Variants in ROR2 observed in about 807,000 individuals in gnomAD.
The protein encoded by ROR2 is ROR family WNT receptor 2, also known as tyrosine-protein kinase transmembrane receptor ROR2.
ROR2 carries 33 observed loss-of-function variants against 74.9 expected under a neutral mutation model. That is an observed-to-expected ratio of 0.44 (90% CI 0.33 to 0.59). The LOEUF is 0.59. ROR2 is among the 20% of genes least tolerant of loss of function. ROR2 has a pLI of 0.02. For synonymous variants in ROR2, 586 were observed against 558.7 expected (o/e 1.05, Z -0.69); for missense variants, 1,216 against 1,313.8 (o/e 0.93, Z 1.15).
At chr9:91,940,110 C>T (rs1187818058) in intron 1 of ROR2, among the ~76,000 whole-genome samples, 1 of 152,206 alleles carries the variant, frequency 6.6e-6, no homozygotes, top group Non-Finnish European at 1.5e-5. Context: ...ACGGGAACCC[C>T]AGAGCACAGC....
intron 7 of ROR2, among the ~76,000 whole-genome samples, chr9:91,729,912 G>A (rs1182702461): frequency 2.6e-5 from 4 of 152,218 alleles, no homozygotes; most frequent in East Asian, 1.9e-4. Context: ...GGGTGGAAGG[G>A]AAATATTTTT....
intron 7 of ROR2, among the ~76,000 whole-genome samples, chr9:91,728,051 G>A (rs1837104369): frequency 1.3e-5 from 2 of 152,130 alleles, no homozygotes; most frequent in African/African-American, 2.4e-5. Flanking sequence ...CTAGGGTTTG[G>A]TTCATTTTTC....
At chr9:91,876,695 A>G (rs1829964344) in intron 1 of ROR2, among the ~76,000 whole-genome samples, 1 of 152,246 alleles carries the variant, frequency 6.6e-6, no homozygotes, top group South Asian at 2.1e-4. Context: ...CCTTCTTAAA[A>G]TATCATCAGA....
At chr9:91,889,172 T>G (rs1312619072) in intron 1 of ROR2, among the ~76,000 whole-genome samples, 1 of 151,912 alleles carries the variant, frequency 6.6e-6, no homozygotes, top group Admixed American at 6.6e-5. Context: ...TTCCTGAGAG[T>G]GGGAACACCT....
intron 2 of ROR2, among the ~76,000 whole-genome samples, chr9:91,770,123 T>C (rs7029646): frequency 5.7e-4 from 87 of 152,336 alleles, no homozygotes; most frequent in African/African-American, 2.0e-3. Flanking sequence ...GCAGGGAAAT[T>C]ATTAAGGAAT....
chr9:91,935,326 C>G (rs1275193719), intron 1 of ROR2, among the ~76,000 whole-genome samples: 1 of 152,246 alleles, frequency 6.6e-6, no homozygotes, highest in Non-Finnish European at 1.5e-5. Context: ...ACGCAGCTCA[C>G]CTCTTTTTCT....
At chr9:91,933,429 T>C (rs765615584) in intron 1 of ROR2, among the ~76,000 whole-genome samples, 8 of 152,076 alleles carry the variant, frequency 5.3e-5, no homozygotes, top group Non-Finnish European at 1.2e-4. Flanking sequence ...TTTCAAGTAA[T>C]AGCTAAAAAT....
intron 7 of ROR2, among the ~76,000 whole-genome samples, chr9:91,728,757 C>T (rs915065736): frequency 1.1e-4 from 16 of 152,314 alleles, no homozygotes; most frequent in Middle Eastern, 3.4e-3. Flanking sequence ...TAAATAGAAT[C>T]GTGTCATCCA....
At chr9:91,806,701 T>C (rs1442679109) in intron 1 of ROR2, among the ~76,000 whole-genome samples, 9 of 152,214 alleles carry the variant, frequency 5.9e-5, no homozygotes, top group Admixed American at 3.3e-4. Context: ...GCCATTCTCC[T>C]GCCTCAGCCT....
At position 91,849,234 on chromosome 9, in the gene ROR2, G is replaced by A. The variant is rs543346626; in HGVS notation, c.98-73416C>T. ...AAGCTCTTCTTTACCTCCCAACTAC[G>A]GTCAGATGAGATTCCCAGGCTTTTC... is the stretch of plus-strand genomic sequence containing the variant. On this transcript the variant is annotated intron_variant, in intron 1 of 8. Transcript: ENST00000375708. Among the ~76,000 whole-genome samples the A allele has an allele frequency of 4.6e-5, 7 of 152,240 alleles. No individual in the cohort carries two copies. The South Asian group carries it at 6.2e-4, about 14-fold the overall frequency.
At chr9:91,845,102 C>T (rs753919150) in intron 1 of ROR2, among the ~76,000 whole-genome samples, 1 of 152,154 alleles carries the variant, frequency 6.6e-6, no homozygotes, top group Non-Finnish European at 1.5e-5. Context: ...CCCCACCCTA[C>T]GCCCAAGGTG....
At chr9:91,727,401 A>AT (rs11436642) in intron 7 of ROR2, among the ~76,000 whole-genome samples, 35,405 of 145,774 alleles carry the variant, frequency 0.24, 4,294 homozygotes, top group South Asian at 0.45. Context: ...CCTTCCCTGC[A>AT]TTTTTTTTTT....
At chr9:91,890,165 A>G (rs1338737413) in intron 1 of ROR2, among the ~76,000 whole-genome samples, 1 of 152,188 alleles carries the variant, frequency 6.6e-6, no homozygotes, top group Non-Finnish European at 1.5e-5. Flanking sequence ...GAAAGTCAGA[A>G]GAGAAAATCC....
Position 91,905,004 on chromosome 9 carries a change from C to T in ROR2, c.97+44863G>A, listed in dbSNP as rs1830777336. ...AACATACAATACACACAACACATAC[C>T]ACACAACATATACCACACACAAAAA... On this transcript the variant is annotated intron_variant, in intron 1 of 8. Coordinates refer to ENST00000375708, the MANE Select transcript of ROR2 (RefSeq NM_004560.4). This position sits in a 1 kb window ranked among gnomAD's most constrained non-coding sequence, Gnocchi z 5.3. Among the ~76,000 whole-genome samples, 1 of 151,654 alleles carries T rather than the reference C, an allele frequency of 6.6e-6. No homozygotes were observed.
At chr9:91,869,719 A>G (rs1182513046) in intron 1 of ROR2, among the ~76,000 whole-genome samples, 1 of 152,224 alleles carries the variant, frequency 6.6e-6, no homozygotes, top group Non-Finnish European at 1.5e-5. Context: ...CAATTGCTCC[A>G]TATCCCGATT....
intron 1 of ROR2, among the ~76,000 whole-genome samples, chr9:91,874,112 C>T (rs1055426277): frequency 2.6e-5 from 4 of 152,276 alleles, no homozygotes; most frequent in Admixed American, 1.3e-4. Flanking sequence ...AGGGGGCTGA[C>T]GAAGCCTCCC....
At chr9:91,787,271 G>A (rs1375787492) in intron 1 of ROR2, among the ~76,000 whole-genome samples, 2 of 152,192 alleles carry the variant, frequency 1.3e-5, no homozygotes, top group Non-Finnish European at 2.9e-5. Flanking sequence ...AGCACTTTGG[G>A]AGGCTGAGGT....
chr9:91,806,715 A>C (rs549865755), intron 1 of ROR2, among the ~76,000 whole-genome samples: 2 of 151,970 alleles, frequency 1.3e-5, no homozygotes, highest in African/African-American at 4.8e-5. Context: ...TCAGCCTCCC[A>C]AGTAGCTGGG....
intron 1 of ROR2, among the ~76,000 whole-genome samples, chr9:91,884,412 C>T (rs1167231065): frequency 6.6e-6 from 1 of 150,714 alleles, no homozygotes; most frequent in African/African-American, 2.4e-5. Flanking sequence ...AGGCTTCAGG[C>T]ATGACTTGTC....
Sources: gnomAD v4.1 joint callset for allele counts (sites outside exome capture counted in the v4.1 genomes callset) on GRCh38, gnomAD v4.1.1 for gene constraint, Gnocchi (gnomAD v3.1) non-coding constraint, MANE v1.5 for transcripts, NCBI Gene and HGNC (gene_info 2026-07-23, HGNC 2026-07-21) for gene names.